DDIT3: variants seen among roughly 807,000 people sequenced by gnomAD.
DDIT3 encodes the protein DNA damage-inducible transcript 3 protein.
In DDIT3, 14 loss-of-function variants were observed where a neutral mutation model predicts 17.6. That is an observed-to-expected ratio of 0.80 (90% CI 0.53 to 1.25). DDIT3 has a LOEUF of 1.25. DDIT3 is among the 50% of genes most tolerant of loss of function. The pLI, the probability that DDIT3 is intolerant of heterozygous loss-of-function variation, is 0.00. For synonymous variants in DDIT3, 93 were observed against 76.5 expected (o/e 1.22, Z -1.13); for missense variants, 216 against 202.7 (o/e 1.07, Z -0.40).
Position 57,516,791 on chromosome 12 carries a change from A to C in DDIT3, c.*18T>G. ...GTGGGTAGTGTGGCCCAAGTGGGGG[A>C]CTGATGCTCCCAATTGTTCATGCTT... On this transcript the variant is annotated 3_prime_UTR_variant, in exon 4 of 4. Transcript: ENST00000346473. The C allele has an allele frequency of 6.2e-7, 1 of 1,603,562 alleles. No homozygotes were observed. Among genetic ancestry groups the C allele is most frequent in the Non-Finnish European group, 8.5e-7 (1 of 1,176,716 alleles).
Position 57,520,378 on chromosome 12 carries a change from G to A in DDIT3, c.-81+40C>T, listed in dbSNP as rs771231393. On this transcript the variant is annotated intron_variant, in intron 1 of 3. Coordinates refer to ENST00000346473, the MANE Select transcript of DDIT3 (RefSeq NM_004083.6). ...AAAGAGCGGACGCCCCAACTTTGAGGAGACGGGAGGGTAAAAGGTAGATGG... is the reference window on the plus strand; with the variant it reads ...AAAGAGCGGACGCCCCAACTTTGAGAAGACGGGAGGGTAAAAGGTAGATGG... 1.3e-5 allele frequency: 5 copies of A among 398,504 alleles called. No individual in the cohort carries two copies. In the Admixed American group the frequency reaches 1.3e-4, roughly 11 times the overall value. The allele number at this position is 398,504 out of a possible 1,614,324, so 24.7% of individuals were successfully genotyped here.
rs1370971060 is a variant in DDIT3 at position 57,517,756 on chromosome 12, G to C, written c.-80-3C>G. On this transcript the variant is annotated splice_polypyrimidine_tract_variant and splice_region_variant and intron_variant, in intron 1 of 3. Coordinates refer to ENST00000346473, the MANE Select transcript of DDIT3 (RefSeq NM_004083.6). ...AAGATACACTTCCTTCTTGAACACT[G>C]TGGGCAACAAAGAGAAATGTCAGCC... 2 of 447,642 alleles carry C rather than the reference G, an allele frequency of 4.5e-6. No individual in the cohort carries two copies. Among genetic ancestry groups the C allele is most frequent in the Non-Finnish European group, 3.9e-6 (1 of 254,292 alleles). 27.7% of individuals were successfully genotyped at this position (447,642 alleles called of 1,614,324 possible).
chr12:57,516,593 T>C lies in DDIT3; in HGVS notation c.*216A>G. ...AGAAGAAAAAGTAAAAGACCTTGGC[T>C]CATAGAAAGTCACTTTAATAGATAG... On this transcript the variant is annotated 3_prime_UTR_variant, in exon 4 of 4. Coordinates refer to ENST00000346473, the MANE Select transcript of DDIT3 (RefSeq NM_004083.6). The C allele has an allele frequency of 6.4e-7, 1 of 1,560,092 alleles. No homozygotes were observed. The highest frequency in any genetic ancestry group is 8.6e-7 in the Non-Finnish European group (1 of 1,160,270).
chr12:57,519,619 T>C (rs1878141541), intron 1 of DDIT3, among the ~76,000 whole-genome samples: 1 of 152,158 alleles, frequency 6.6e-6, no homozygotes, highest in Admixed American at 6.5e-5. Flanking sequence ...CCTTCCAGTG[T>C]GTGGGACTTG....
In DDIT3 at chr12:57,517,199, A is replaced by G; in HGVS notation, c.139-19T>C. ...ATTCTTCCTTCAAGGAAATGAGGAAAGGGAACATAGATATTAGTTGAGAAG... is the reference window on the plus strand; with the variant it reads ...ATTCTTCCTTCAAGGAAATGAGGAAGGGGAACATAGATATTAGTTGAGAAG... On this transcript the variant is annotated intron_variant, in intron 3 of 3. Coordinates refer to ENST00000346473, the MANE Select transcript of DDIT3 (RefSeq NM_004083.6). The G allele has an allele frequency of 6.2e-7, 1 of 1,608,448 alleles. No homozygotes were observed.
Position 57,520,495 on chromosome 12 carries a change from CTTA to C in DDIT3, c.-161_-159del. ...ATCTTTAACATGATACGCTCAGTGC[CTTA>C]GACTTAAGTCTCTGACCTCGGGAGC... On this transcript the variant is annotated 5_prime_UTR_variant, in exon 1 of 4. Transcript: ENST00000346473. 2.5e-6 allele frequency: 1 copy of C among 398,672 alleles called. No individual in the cohort carries two copies. The allele number at this position is 398,672 out of a possible 1,614,324, so 24.7% of individuals were successfully genotyped here.
chr12:57,516,595 A>C lies in DDIT3; in HGVS notation c.*214T>G. The stretch of plus-strand genomic sequence containing the variant: ...AAGAAAAAGTAAAAGACCTTGGCTC[A>C]TAGAAAGTCACTTTAATAGATAGGG... On this transcript the variant is annotated 3_prime_UTR_variant, in exon 4 of 4. Transcript: ENST00000346473. 1 of 1,560,274 alleles carries C rather than the reference A, an allele frequency of 6.4e-7. No homozygotes were observed. Among genetic ancestry groups the C allele is most frequent in the Non-Finnish European group, 8.6e-7 (1 of 1,160,330 alleles).
In DDIT3 at chr12:57,519,693, C is replaced by G. The variant is rs554030451; in HGVS notation, c.-81+725G>C. On this transcript the variant is annotated intron_variant, in intron 1 of 3. Transcript: ENST00000346473. ...AGAGCCAAACGGGGCTGGCCTGATG[C>G]AATGGTTACACAGAGATTAGCTGGG... 1.6e-4 allele frequency among the ~76,000 whole-genome samples: 24 copies of G among 152,336 alleles called. No individual in the cohort carries two copies. The South Asian group carries it at 2.9e-3, about 18-fold the overall frequency.
At position 57,516,866 on chromosome 12, in the gene DDIT3, T is replaced by C. The variant is rs150793545; in HGVS notation, c.453A>G (p.Glu151=). Residue 151 remains glutamate, a synonymous_variant, in exon 4 of 4, where the codon GAA becomes GAG. Transcript: ENST00000346473. ...TCAGAGCTCGGCGAGTCGCCTCTAC[T>C]TCCCTGGTCAGGCGCTCGATTTCCT... ...LKQEIERLTR[E]VEATRRALID... The C allele has an allele frequency of 1.2e-6, 2 of 1,613,494 alleles. No individual in the cohort carries two copies. The highest frequency in any genetic ancestry group is 2.7e-5 in the African/African-American group (2 of 74,938).
intron 1 of DDIT3, among the ~76,000 whole-genome samples, chr12:57,519,486 C>CA (rs1254357860): frequency 1.3e-5 from 2 of 152,220 alleles, no homozygotes; most frequent in Non-Finnish European, 2.9e-5. Context: ...AAACTCCCCC[C>CA]AGTCTCTCTT....
chr12:57,517,556 A>C, intron 2 of DDIT3, 118 bp from the exon 3 acceptor site: 1 of 1,052,750 alleles, frequency 9.5e-7, no homozygotes, highest in Non-Finnish European at 1.4e-6. Context: ...GAATACAGCC[A>C]CATCTGTTTA....
intron 1 of DDIT3, chr12:57,519,301 C>A: frequency 2.1e-6 from 1 of 469,796 alleles, no homozygotes; most frequent in Non-Finnish European, 4.4e-6. Flanking sequence ...GACCTCCATC[C>A]TGAACATTCT....
intron 1 of DDIT3, among the ~76,000 whole-genome samples, chr12:57,518,956 G>A (rs1000321044): frequency 1.3e-5 from 2 of 152,104 alleles, no homozygotes; most frequent in Non-Finnish European, 2.9e-5. Context: ...CACCATGCCC[G>A]GCCCTTAACT....
chr12:57,517,272 T>C lies in DDIT3; in HGVS notation c.135A>G (p.Glu45=). ...GCTTTAGGGCTAACATTCTTACCTC[T>C]TCATTTCCAGGAGGTGAAACATAGG... ...GGTYVSPPGN[E]EEESKIFTTL... Residue 45 remains glutamate, a synonymous_variant, in exon 3 of 4, where the codon GAA becomes GAG. Transcript: ENST00000346473. 3 of 1,614,076 alleles carry C rather than the reference T, an allele frequency of 1.9e-6. No individual in the cohort carries two copies. Among genetic ancestry groups the C allele is most frequent in the Non-Finnish European group, 2.5e-6 (3 of 1,179,956 alleles).
At chr12:57,519,775 G>T (rs1288332335) in intron 1 of DDIT3, among the ~76,000 whole-genome samples, 1 of 152,208 alleles carries the variant, frequency 6.6e-6, no homozygotes, top group Non-Finnish European at 1.5e-5. Context: ...CAATACCCTG[G>T]GGAGACCCCA....
chr12:57,517,619 C>CA (rs1219934409), intron 2 of DDIT3, 87 bp downstream of exon 2: 1 of 663,874 alleles, frequency 1.5e-6, no homozygotes, highest in African/African-American at 1.8e-5. Flanking sequence ...GATGAAGAGT[C>CA]ACGCTAGAGA....
In DDIT3 at chr12:57,517,254, G is replaced by A. The variant is rs1877933305; in HGVS notation, c.138+15C>T. 1 of 1,613,664 alleles carries A rather than the reference G, an allele frequency of 6.2e-7. No individual in the cohort carries two copies. Among genetic ancestry groups the A allele is most frequent in the East Asian group, 2.2e-5 (1 of 44,882 alleles). On this transcript the variant is annotated intron_variant, in intron 3 of 3. Transcript: ENST00000346473. ...AGGTAACATCCCCCTTTAGCTTTAG[G>A]GCTAACATTCTTACCTCTTCATTTC...
chr12:57,519,882 C>G (rs1267521963), intron 1 of DDIT3, among the ~76,000 whole-genome samples: 2 of 152,242 alleles, frequency 1.3e-5, no homozygotes, highest in African/African-American at 4.8e-5. Flanking sequence ...CCCTGTCCAT[C>G]GGCACCCCTC....
intron 1 of DDIT3, among the ~76,000 whole-genome samples, chr12:57,518,363 A>C (rs1878038445): frequency 6.6e-6 from 1 of 152,218 alleles, no homozygotes; most frequent in African/African-American, 2.4e-5. Flanking sequence ...GGAAGGGAAC[A>C]AATCATAGCA....
Sources: allele counts gnomAD v4.1 joint callset (sites outside exome capture counted in the v4.1 genomes callset), GRCh38; gene constraint gnomAD v4.1.1; transcripts MANE v1.5; gene names NCBI Gene and HGNC (gene_info 2026-07-23, HGNC 2026-07-21).